Variants in PCARE observed in about 807,000 individuals in gnomAD.
PCARE encodes the protein photoreceptor cilium actin regulator.
PCARE carries 72 observed loss-of-function variants against 82.2 expected under a neutral mutation model. That is an observed-to-expected ratio of 0.88 (90% CI 0.72 to 1.07). The LOEUF (loss-of-function observed/expected upper bound fraction) is 1.07. Ranked by LOEUF, PCARE falls within the 50% of genes least tolerant of loss-of-function variation. The probability of loss-of-function intolerance (pLI) is 0.00; values close to 1 mark genes in which losing one functional copy is unlikely to be tolerated. For missense variants in PCARE, 1,768 were observed against 1,592.4 expected (o/e 1.11, Z -1.88); for synonymous variants, 705 against 634.8 (o/e 1.11, Z -1.66).
chr2:29,074,358 C>A lies in PCARE; in HGVS notation c.-97G>T. The A allele has an allele frequency of 3.8e-6, 5 of 1,325,166 alleles. No individual in the cohort carries two copies. The highest frequency in any genetic ancestry group is 5.1e-6 in the Non-Finnish European group (5 of 979,606). The allele number at this position is 1,325,166 out of a possible 1,614,324, so 82.1% of individuals were successfully genotyped here. A position where few individuals can be genotyped will look rare whatever the true frequency, so the allele number is the denominator to read the frequency against. On this transcript the variant is annotated 5_prime_UTR_variant, in exon 1 of 2. Transcript: ENST00000331664. ...AGGCAATCTTACTAGTCCATCCAGG[C>A]AATTTTCAGGCCAGAATTCTTTGAA... is the stretch of plus-strand genomic sequence containing the variant.
Position 29,069,316 on chromosome 2 carries a change from G to A in PCARE, c.3668+1278C>T, listed in dbSNP as rs374940602. ...CCCAAATGCCCATCAATGACAGATTGGATAAAGAAAATGTAATGCATATAT... is the reference window on the plus strand; with the variant it reads ...CCCAAATGCCCATCAATGACAGATTAGATAAAGAAAATGTAATGCATATAT... On this transcript the variant is annotated intron_variant, in intron 1 of 1. Coordinates refer to ENST00000331664, the MANE Select transcript of PCARE (RefSeq NM_001029883.3). Among the ~76,000 whole-genome samples the A allele has an allele frequency of 4.3e-4, 66 of 152,262 alleles. No homozygotes were observed. The South Asian group carries it at 0.013, about 30-fold the overall frequency.
rs1667364741 is a variant in PCARE at position 29,064,662 on chromosome 2, GA to G, written c.*206del. 1 of 635,540 alleles carries G rather than the reference GA, an allele frequency of 1.6e-6. No individual in the cohort carries two copies. Among genetic ancestry groups the G allele is most frequent in the African/African-American group, 1.8e-5 (1 of 54,862 alleles). 39.4% of individuals were successfully genotyped at this position (635,540 alleles called of 1,614,324 possible). On this transcript the variant is annotated 3_prime_UTR_variant, in exon 2 of 2. Transcript: ENST00000331664. ...GGTCTAAAAGTTCTGGTTAACCTTT[GA>G]ACCCCAAGGCAGAGCAAGATCTGGG...
chr2:29,073,671 T>A lies in PCARE; in HGVS notation c.591A>T (p.Lys197Asn), dbSNP rs756176114. ...AYTYLHSSLS[K>N]YEAILCIIHQ... is the part of the protein sequence containing the mutation. The stretch of plus-strand genomic sequence containing the variant: ...GGATGATGCACAGAATTGCTTCATA[T>A]TTGGAGAGGCTGGAGTGTAGATAGG... The change falls in exon 1 of 2, where the codon AAA (lysine) becomes AAT (asparagine). Residue 197 changes from lysine to asparagine, a missense_variant. Lys to Asn is a moderately conservative substitution (Grantham distance 94, BLOSUM62 0). Coordinates refer to ENST00000331664, the MANE Select transcript of PCARE (RefSeq NM_001029883.3). 1 of 1,614,178 alleles carries A rather than the reference T, an allele frequency of 6.2e-7. No homozygotes were observed. The highest frequency in any genetic ancestry group is 1.1e-5 in the South Asian group (1 of 91,078).
chr2:29,066,860 G>T (rs1259149295), intron 1 of PCARE, among the ~76,000 whole-genome samples: 1 of 152,230 alleles, frequency 6.6e-6, no homozygotes, highest in Non-Finnish European at 1.5e-5. Flanking sequence ...ACCACATTGA[G>T]GGGAGAAAGT....
chr2:29,068,286 CTG>C (rs1238335652), intron 1 of PCARE, among the ~76,000 whole-genome samples: 1 of 152,192 alleles, frequency 6.6e-6, no homozygotes, highest in African/African-American at 2.4e-5. Flanking sequence ...GTTTATCTAA[CTG>C]TAATAATGCA....
intron 1 of PCARE, among the ~76,000 whole-genome samples, chr2:29,066,207 C>T (rs1667387243): frequency 6.6e-6 from 1 of 152,120 alleles, no homozygotes; most frequent in African/African-American, 2.4e-5. Flanking sequence ...ATCAGGCACT[C>T]ATAGGTATCA....
chr2:29,073,613 G>A lies in PCARE; in HGVS notation c.649C>T (p.Pro217Ser). The part of the protein sequence containing the change: ...QATQTRELLQ[P>S]MVSFLLLCFE... ...CACAGCAGCAAGAAGCTGACCATGGGCTGCAGCAGCTCCCGGGTCTGGGTG... is the reference window on the plus strand; with the variant it reads ...CACAGCAGCAAGAAGCTGACCATGGACTGCAGCAGCTCCCGGGTCTGGGTG... The change falls in exon 1 of 2, where the codon CCC becomes TCC. Residue 217 changes from proline to serine, a missense_variant. Physicochemically the swap from Pro to Ser is moderately conservative, Grantham distance 74. Coordinates refer to ENST00000331664, the MANE Select transcript of PCARE (RefSeq NM_001029883.3). 1 of 1,614,232 alleles carries A rather than the reference G, an allele frequency of 6.2e-7. No individual in the cohort carries two copies. Among genetic ancestry groups the A allele is most frequent in the Non-Finnish European group, 8.5e-7 (1 of 1,180,036 alleles).
rs755794034 is a variant in PCARE at position 29,071,765 on chromosome 2, G to A, written c.2497C>T (p.Pro833Ser). The A allele has an allele frequency of 2.5e-6, 4 of 1,613,496 alleles. No homozygotes were observed. The East Asian group carries it at 8.9e-5, about 36-fold the overall frequency. The change falls in exon 1 of 2, where the codon CCG (proline) becomes TCG (serine). Residue 833 changes from proline (P) to serine (S), a missense_variant. Pro to Ser is a moderately conservative substitution (Grantham distance 74, BLOSUM62 -1). Coordinates refer to ENST00000331664, the MANE Select transcript of PCARE (RefSeq NM_001029883.3). ...TTGTCCATCAGAACTTCCATAGGCG[G>A]TGGAGGGAGGTGCTCGAGGTTCCCC... ...MEGNLEHLPP[P>S]PMEVLMDKSF...
In PCARE at chr2:29,073,687, TG is replaced by T; in HGVS notation, c.574del (p.His192ThrfsTer64). 1 of 1,613,860 alleles carries T rather than the reference TG, an allele frequency of 6.2e-7. No homozygotes were observed. The highest frequency in any genetic ancestry group is 8.5e-7 in the Non-Finnish European group (1 of 1,179,952). On this transcript the variant is annotated frameshift_variant, in exon 1 of 2. Transcript: ENST00000331664. LOFTEE classifies it high-confidence loss of function. ...KAHQQAYTYLHSSLSKYEAIL... is the reference protein window; with the variant it reads ...KAHQQAYTYLXSSLSKYEAIL... ...TGCTTCATATTTGGAGAGGCTGGAG[TG>T]TAGATAGGTGTAAGCCTGCTGGTGG...
chr2:29,063,378 C>T lies in PCARE; in HGVS notation c.*1491G>A, dbSNP rs1355900952. On this transcript the variant is annotated 3_prime_UTR_variant, in exon 2 of 2. Coordinates refer to ENST00000331664, the MANE Select transcript of PCARE (RefSeq NM_001029883.3). ...TTTCCAGCAGAGGGGTGGGTTGTGG[C>T]CCCTCTTGGTAGTTTAATCAGCTGT... 2 of 152,422 alleles carry T rather than the reference C, an allele frequency of 1.3e-5. No individual in the cohort carries two copies. The highest frequency in any genetic ancestry group is 3.9e-4 in the East Asian group (2 of 5,186). 9.4% of individuals were successfully genotyped at this position (152,422 alleles called of 1,614,324 possible). A position where few individuals can be genotyped will look rare whatever the true frequency, so the allele number is the denominator to read the frequency against.
At position 29,064,736 on chromosome 2, in the gene PCARE, C is replaced by T. The variant is rs1667365638; in HGVS notation, c.*133G>A. The T allele has an allele frequency of 3.4e-6, 4 of 1,184,624 alleles. No individual in the cohort carries two copies. The highest frequency in any genetic ancestry group is 2.5e-5 in the East Asian group (1 of 39,414). The allele number at this position is 1,184,624 out of a possible 1,614,324, so 73.4% of individuals were successfully genotyped here. The stretch of plus-strand genomic sequence containing the variant: ...AATTCAGCAGACCCACTGGGCAGTG[C>T]ACCTTCCAGGCCTTTCCAGGACACC... On this transcript the variant is annotated 3_prime_UTR_variant, in exon 2 of 2. Coordinates refer to ENST00000331664, the MANE Select transcript of PCARE (RefSeq NM_001029883.3).
At position 29,064,363 on chromosome 2, in the gene PCARE, A is replaced by G. The variant is rs10194257; in HGVS notation, c.*506T>C. 58,302 of 179,192 alleles carry G rather than the reference A, an allele frequency of 0.33. 10,791 individuals carry two copies. The highest frequency in any genetic ancestry group is 0.5 in the African/African-American group (21,215 of 42,112). 11.1% of individuals were successfully genotyped at this position (179,192 alleles called of 1,614,324 possible). On this transcript the variant is annotated 3_prime_UTR_variant, in exon 2 of 2. Coordinates refer to ENST00000331664, the MANE Select transcript of PCARE (RefSeq NM_001029883.3). ...TAATAAAAAGAGCAGAGAGATTCTA[A>G]CACCAGACTCATCTGTGCAAAATTT...
Position 29,070,812 on chromosome 2 carries a change from T to C in PCARE, c.3450A>G (p.Pro1150=). Residue 1150 remains proline (P), a synonymous_variant, in exon 1 of 2, where the codon CCA becomes CCG. Transcript: ENST00000331664. ...GGTTCCCGAGAGGGCCCCCAGCCTC[T>C]GGCGGCAGCGATGGTGGGGTCAGTG... is the stretch of plus-strand genomic sequence containing the variant. The part of the protein sequence containing the change: ...AHPLTPPSLP[P]EAGGPLGNPA... 6.2e-7 allele frequency: 1 copy of C among 1,614,146 alleles called. No homozygotes were observed. The highest frequency in any genetic ancestry group is 8.5e-7 in the Non-Finnish European group (1 of 1,180,036).
Position 29,073,803 on chromosome 2 carries a change from C to G in PCARE, c.459G>C (p.Thr153=). The change falls in exon 1 of 2, where the codon ACG becomes ACC. Residue 153 remains threonine, a synonymous_variant. Transcript: ENST00000331664. Reference sequence around the variant, plus strand: ...GGTAGCAGTGGCTCTGTGTGCTTGACGTGTGACATTTTGCTGTCCTTTTCC... The same window carrying G: ...GGTAGCAGTGGCTCTGTGTGCTTGAGGTGTGACATTTTGCTGTCCTTTTCC... ...SKWKRTAKCH[T]SSTQSHCYQT... The G allele has an allele frequency of 6.2e-7, 1 of 1,614,216 alleles. No individual in the cohort carries two copies. The highest frequency in any genetic ancestry group is 1.1e-5 in the South Asian group (1 of 91,088).
Position 29,063,841 on chromosome 2 carries a change from G to C in PCARE, c.*1028C>G, listed in dbSNP as rs1280460155. On this transcript the variant is annotated 3_prime_UTR_variant, in exon 2 of 2. Transcript: ENST00000331664. ...TTCGACTCCAGCAGAAGTTCTGCAA[G>C]ATGACCTGGGAATAAAGTTGGCCAA... 1 of 152,410 alleles carries C rather than the reference G, an allele frequency of 6.6e-6. No individual in the cohort carries two copies. The highest frequency in any genetic ancestry group is 1.9e-4 in the East Asian group (1 of 5,206). The allele number at this position is 152,410 out of a possible 1,614,324, so 9.4% of individuals were successfully genotyped here.
At position 29,072,752 on chromosome 2, in the gene PCARE, C is replaced by T. The variant is rs1188104105; in HGVS notation, c.1510G>A (p.Ala504Thr). 2.5e-6 allele frequency: 4 copies of T among 1,614,078 alleles called. No individual in the cohort carries two copies. The highest frequency in any genetic ancestry group is 2.2e-5 in the East Asian group (1 of 44,870). Reference protein sequence around the residue: ...EDKMSSMSLCAWQEKTPHSRP... With the variant: ...EDKMSSMSLCTWQEKTPHSRP... ...GAATGTGGAGTTTTTTCCTGCCAGG[C>T]ACACAGACTCATGCTGCTCATTTTG... is the stretch of plus-strand genomic sequence containing the variant. Residue 504 changes from alanine (A) to threonine (T), a missense_variant, in exon 1 of 2, where the codon GCC (alanine) becomes ACC (threonine). By Grantham distance (58) the Ala-to-Thr change is moderately conservative (BLOSUM62 0). Transcript: ENST00000331664.
Position 29,064,604 on chromosome 2 carries a change from C to T in PCARE, c.*265G>A. 1.7e-6 allele frequency: 1 copy of T among 583,106 alleles called. No individual in the cohort carries two copies. The highest frequency in any genetic ancestry group is 3.1e-6 in the Non-Finnish European group (1 of 326,422). The allele number at this position is 583,106 out of a possible 1,614,324, so 36.1% of individuals were successfully genotyped here. ...CCCCCACCCCACCCCAAATTAAGGC[C>T]AGCACTTGAAGCATTAAATACTGTC... On this transcript the variant is annotated 3_prime_UTR_variant, in exon 2 of 2. Coordinates refer to ENST00000331664, the MANE Select transcript of PCARE (RefSeq NM_001029883.3).
intron 1 of PCARE, among the ~76,000 whole-genome samples, chr2:29,067,741 T>C (rs1667411775): frequency 6.6e-6 from 1 of 152,148 alleles, no homozygotes; most frequent in Non-Finnish European, 1.5e-5. Context: ...GACGGGGTTT[T>C]ACCATGGTGG....
intron 1 of PCARE, among the ~76,000 whole-genome samples, chr2:29,067,234 C>T (rs1313742722): frequency 6.6e-6 from 1 of 152,180 alleles, no homozygotes; most frequent in Admixed American, 6.5e-5. Flanking sequence ...GTTGCATGAT[C>T]TTGGGGAAAT....
Sources: allele counts gnomAD v4.1 joint callset (sites outside exome capture counted in the v4.1 genomes callset), GRCh38; gene constraint gnomAD v4.1.1; transcripts MANE v1.5; gene names NCBI Gene and HGNC (gene_info 2026-07-23, HGNC 2026-07-21).